BICD2: variants seen among roughly 807,000 people sequenced by gnomAD.
BICD2 encodes the protein protein bicaudal D homolog 2.
In BICD2, 25 loss-of-function variants were observed where a neutral mutation model predicts 72.9. That is an observed-to-expected ratio of 0.34 (90% CI 0.25 to 0.48). BICD2 has a LOEUF of 0.48. Ranked by LOEUF, BICD2 falls within the 20% of genes least tolerant of loss-of-function variation. BICD2 has a pLI of 0.99. For missense variants in BICD2, 894 were observed against 1,175.2 expected (o/e 0.76, Z 3.50); for synonymous variants, 501 against 516.1 (o/e 0.97, Z 0.40).
intron 1 of BICD2, among the ~76,000 whole-genome samples, chr9:92,753,312 T>G (rs1854187495): frequency 6.6e-6 from 1 of 152,168 alleles, no homozygotes; most frequent in Admixed American, 6.6e-5. Context: ...GGACATCAGG[T>G]AAAAACTAAG....
At chr9:92,743,356 T>C (rs1000592538) in intron 1 of BICD2, among the ~76,000 whole-genome samples, 1 of 74,584 alleles carries the variant, frequency 1.3e-5, no homozygotes, top group Non-Finnish European at 3.0e-5. Context: ...CCATGCCAGC[T>C]TTTTTTTTTT....
At chr9:92,728,224 C>G (rs894251296) in intron 2 of BICD2, among the ~76,000 whole-genome samples, 2 of 152,254 alleles carry the variant, frequency 1.3e-5, no homozygotes, top group African/African-American at 4.8e-5. Context: ...CAGTCCTCCA[C>G]AACTCCAGGG....
intron 6 of BICD2, 109 bp downstream of exon 6, chr9:92,717,688 C>T: frequency 2.9e-6 from 4 of 1,389,718 alleles, no homozygotes; most frequent in Non-Finnish European, 3.8e-6. Context: ...ACTGACTAGT[C>T]AGGGCTGCAG....
At position 92,713,470 on chromosome 9, in the gene BICD2, G is replaced by A. The variant is rs202060753; in HGVS notation, c.*1684C>T. ...TGGCAGCTACTCTACAGCTGAAAACGGGAGAAAAGAGAGCGTTAGAAAGCG... is the reference window on the plus strand; with the variant it reads ...TGGCAGCTACTCTACAGCTGAAAACAGGAGAAAAGAGAGCGTTAGAAAGCG... On this transcript the variant is annotated 3_prime_UTR_variant, in exon 7 of 7. Coordinates refer to ENST00000356884, the MANE Select transcript of BICD2 (RefSeq NM_001003800.2). The A allele has an allele frequency of 3.1e-5, 50 of 1,590,204 alleles. No individual in the cohort carries two copies. The East Asian group carries it at 5.9e-4, about 19-fold the overall frequency.
At chr9:92,728,961 C>T in intron 2 of BICD2, 63 bp downstream of exon 2, 3 of 1,562,228 alleles carry the variant, frequency 1.9e-6, no homozygotes, top group African/African-American at 1.4e-5. Flanking sequence ...ACCAGGCACA[C>T]CTGCTATGTG....
At chr9:92,718,034 C>A in intron 5 of BICD2, 86 bp from the exon 6 acceptor site, 1 of 1,496,106 alleles carries the variant, frequency 6.7e-7, no homozygotes, top group South Asian at 1.3e-5. Context: ...GAGCCCCGGT[C>A]TGAAGTGGTG....
Position 92,714,121 on chromosome 9 carries a change from C to T in BICD2, c.*1033G>A, listed in dbSNP as rs1853250089. The stretch of plus-strand genomic sequence containing the variant: ...ATTGCACTAAATAAAGAGACCTAAA[C>T]ATCTCCTACCTGTGAATCCTGACAA... On this transcript the variant is annotated 3_prime_UTR_variant, in exon 7 of 7. Coordinates refer to ENST00000356884, the MANE Select transcript of BICD2 (RefSeq NM_001003800.2). 1.0e-6 allele frequency: 1 copy of T among 985,558 alleles called. No individual in the cohort carries two copies. Among genetic ancestry groups the T allele is most frequent in the South Asian group, 4.7e-5 (1 of 21,296 alleles). 61.1% of individuals were successfully genotyped at this position (985,558 alleles called of 1,614,324 possible).
In BICD2 at chr9:92,718,238, A is replaced by G. The variant is rs557709972; in HGVS notation, c.2107-290T>C. ...CCACAGCTCAGACTATGGCTCTCAC[A>G]TGTTTTCCCTCCAGTATCAGGAAGC... On this transcript the variant is annotated intron_variant, in intron 5 of 6. Transcript: ENST00000356884. Among the ~76,000 whole-genome samples, 48 of 152,326 alleles carry G rather than the reference A, an allele frequency of 3.2e-4. No individual in the cohort carries two copies. In the South Asian group the frequency reaches 7.9e-3, roughly 25 times the overall value.
In BICD2 at chr9:92,763,694, G is replaced by A. The variant is rs1348510935; in HGVS notation, c.240+811C>T. Among the ~76,000 whole-genome samples the A allele has an allele frequency of 2.7e-5, 4 of 146,296 alleles. No homozygotes were observed. The East Asian group carries it at 1.3e-3, about 47-fold the overall frequency. On this transcript the variant is annotated intron_variant, in intron 1 of 6. Coordinates refer to ENST00000356884, the MANE Select transcript of BICD2 (RefSeq NM_001003800.2). ...CTGGAGACCCTCGACCAGCCTGGTG[G>A]TCTAACCTACTCTCCCCCCAGTGGG...
intron 1 of BICD2, among the ~76,000 whole-genome samples, chr9:92,732,562 A>G (rs764406663): frequency 3.3e-5 from 5 of 152,224 alleles, no homozygotes; most frequent in African/African-American, 9.6e-5. Flanking sequence ...TAATAAAAAT[A>G]TTTAAATCAG....
intron 2 of BICD2, among the ~76,000 whole-genome samples, 190 bp from the exon 3 acceptor site, chr9:92,722,998 G>T (rs1454464225): frequency 6.6e-6 from 1 of 152,008 alleles, no homozygotes; most frequent in Non-Finnish European, 1.5e-5. Context: ...GCGGACTGCA[G>T]AGGTTCCAGA....
intron 1 of BICD2, among the ~76,000 whole-genome samples, chr9:92,761,403 G>A (rs1032665233): frequency 2.6e-5 from 4 of 152,204 alleles, no homozygotes; most frequent in African/African-American, 7.2e-5. Flanking sequence ...TTCCACCCAC[G>A]TGCACCTCTC....
intron 1 of BICD2, among the ~76,000 whole-genome samples, chr9:92,747,136 C>T (rs1195663586): frequency 6.6e-6 from 1 of 152,206 alleles, no homozygotes; most frequent in African/African-American, 2.4e-5. Flanking sequence ...CAAGCTCCCA[C>T]ACAGACCTTC....
Position 92,764,829 on chromosome 9 carries a change from G to GCCT in BICD2, c.-86_-85insAGG. 1 of 1,038,964 alleles carries GCCT rather than the reference G, an allele frequency of 9.6e-7. No individual in the cohort carries two copies. The highest frequency in any genetic ancestry group is 4.4e-5 in the South Asian group (1 of 22,660). The allele number at this position is 1,038,964 out of a possible 1,614,324, so 64.4% of individuals were successfully genotyped here. A position where few individuals can be genotyped will look rare whatever the true frequency, so the allele number is the denominator to read the frequency against. ...CGCCGCCGCTGCCGCCGCCGCCGCC[G>GCCT]CCCTGCCCCGACGGCCGCCCGCCCG... is the stretch of plus-strand genomic sequence containing the variant. On this transcript the variant is annotated 5_prime_UTR_variant, in exon 1 of 7. Transcript: ENST00000356884. This position sits in a 1 kb window ranked among gnomAD's most constrained non-coding sequence, Gnocchi z 5.5.
At chr9:92,750,743 G>A (rs1854129644) in intron 1 of BICD2, among the ~76,000 whole-genome samples, 1 of 152,080 alleles carries the variant, frequency 6.6e-6, no homozygotes, top group African/African-American at 2.4e-5. Context: ...AAAACAAAAA[G>A]TGAACCTTAA....
rs1355737116 is a variant in BICD2 at position 92,720,414 on chromosome 9, CTTG to C, written c.945_947del (p.Asn315del). 1 of 1,614,166 alleles carries C rather than the reference CTTG, an allele frequency of 6.2e-7. No homozygotes were observed. Among genetic ancestry groups the C allele is most frequent in the Non-Finnish European group, 8.5e-7 (1 of 1,180,046 alleles). Reference sequence around the variant, plus strand: ...GGCCCTCCTTCTTGGGCGTGGAGGTCTTGTTGTCCAGTGGCAGCTTGGCCAGGC... The same window carrying C: ...GGCCCTCCTTCTTGGGCGTGGAGGTCTTGTCCAGTGGCAGCTTGGCCAGGC... On this transcript the variant is annotated inframe_deletion, in exon 4 of 7. Coordinates refer to ENST00000356884, the MANE Select transcript of BICD2 (RefSeq NM_001003800.2). The surrounding 1 kb of genome is among the most constrained non-coding windows in gnomAD (Gnocchi z 5.4).
chr9:92,722,551 G>C (rs1272134064), intron 3 of BICD2, 105 bp downstream of exon 3: 28 of 1,489,802 alleles, frequency 1.9e-5, no homozygotes, highest in Non-Finnish European at 2.5e-5. Flanking sequence ...CGGGTGTGTG[G>C]AATAAGACAG....
chr9:92,722,506 CCT>C, intron 3 of BICD2, 148 bp downstream of exon 3: 2 of 994,632 alleles, frequency 2.0e-6, no homozygotes, highest in Non-Finnish European at 2.9e-6. Context: ...CAAGTATACC[CCT>C]GCCTCCACAG....
At chr9:92,734,645 G>T (rs1036148015) in intron 1 of BICD2, among the ~76,000 whole-genome samples, 1 of 151,224 alleles carries the variant, frequency 6.6e-6, no homozygotes, top group Admixed American at 6.6e-5. Flanking sequence ...AGGAAGCACT[G>T]GTCCAGGAGT....
Sources: gnomAD v4.1 joint callset for allele counts (sites outside exome capture counted in the v4.1 genomes callset) on GRCh38, gnomAD v4.1.1 for gene constraint, Gnocchi (gnomAD v3.1) non-coding constraint, MANE v1.5 for transcripts, NCBI Gene and HGNC (gene_info 2026-07-23, HGNC 2026-07-21) for gene names.